The following NECTIN3 variants were observed in gnomAD, a reference collection of about 807,000 sequenced individuals.
NECTIN3 encodes nectin-3.
A neutral mutation model predicts 49.4 loss-of-function variants in NECTIN3; 8 were observed. The ratio of observed to expected loss-of-function variants is 0.16; its 90% CI spans 0.10 to 0.29. NECTIN3 has a LOEUF of 0.29. Among genes scored for constraint, NECTIN3 ranks in the 10% least tolerant of loss-of-function variants. The pLI is 1.00. For synonymous variants in NECTIN3, 277 were observed against 241.1 expected, an observed-to-expected ratio of 1.15 and a Z score of -1.38; for missense variants, 581 against 654.6, an observed-to-expected ratio of 0.89 and a Z score of 1.23.
intron 5 of NECTIN3, among the ~76,000 whole-genome samples, chr3:111,143,426 TA>T (rs1200957689): frequency 6.6e-6 from 1 of 151,924 alleles, no homozygotes; most frequent in Non-Finnish European, 1.5e-5. Context: ...GAGCCATTAA[TA>T]AACTTAGGAT....
At chr3:111,148,242 T>A (rs1223620249) in intron 7 of NECTIN3, among the ~76,000 whole-genome samples, 1 of 152,244 alleles carries the variant, frequency 6.6e-6, no homozygotes, top group East Asian at 1.9e-4. Flanking sequence ...ATTCATTGAT[T>A]TAATTTGGTG....
At chr3:111,109,504 C>G (rs990124324) in intron 1 of NECTIN3, among the ~76,000 whole-genome samples, 1 of 151,858 alleles carries the variant, frequency 6.6e-6, no homozygotes, top group African/African-American at 2.4e-5. Flanking sequence ...GGTCTTCAGT[C>G]CATCTAGGGT....
At position 111,071,901 on chromosome 3, in the gene NECTIN3, G is replaced by A. The variant is rs2030756197; in HGVS notation, c.-117G>A. The A allele has an allele frequency of 1.6e-6, 1 of 635,956 alleles. No individual in the cohort carries two copies. Among genetic ancestry groups the A allele is most frequent in the Non-Finnish European group, 2.3e-6 (1 of 432,286 alleles). 39.4% of individuals were successfully genotyped at this position (635,956 alleles called of 1,614,324 possible). On this transcript the variant is annotated 5_prime_UTR_variant, in exon 1 of 6. Coordinates refer to ENST00000485303, the MANE Select transcript of NECTIN3 (RefSeq NM_015480.3). Reference sequence around the variant, plus strand: ...GTCAGCCGGCAGCGACGGCGCTAGAGCTGGGAGCTGGGGACGCGCGCGCCG... The same window carrying A: ...GTCAGCCGGCAGCGACGGCGCTAGAACTGGGAGCTGGGGACGCGCGCGCCG...
intron 1 of NECTIN3, among the ~76,000 whole-genome samples, chr3:111,192,756 C>A (rs2035835705): frequency 6.6e-6 from 1 of 152,088 alleles, no homozygotes; most frequent in Admixed American, 6.5e-5. Flanking sequence ...GTTCAAATGC[C>A]AGTTCATTTT....
Position 111,136,918 on chromosome 3 carries a change from A to G in NECTIN3, c.*2703A>G. On this transcript the variant is annotated 3_prime_UTR_variant, in exon 6 of 6. Coordinates refer to ENST00000485303, the MANE Select transcript of NECTIN3 (RefSeq NM_015480.3). ...AAGTGATATTTGAGAAGTGCTTTAG[A>G]GTTGAAAGATTTAGTATTTTACCAC... 1 of 967,326 alleles carries G rather than the reference A, an allele frequency of 1.0e-6. No individual in the cohort carries two copies. The highest frequency in any genetic ancestry group is 1.2e-6 in the Non-Finnish European group (1 of 813,634). The allele number at this position is 967,326 out of a possible 1,614,324, so 59.9% of individuals were successfully genotyped here. A position where few individuals can be genotyped will look rare whatever the true frequency, so the allele number is the denominator to read the frequency against.
chr3:111,152,614 TG>T (rs1236224983), intron 7 of NECTIN3, among the ~76,000 whole-genome samples: 1 of 151,996 alleles, frequency 6.6e-6, no homozygotes, highest in African/African-American at 2.4e-5. Context: ...TATTTTGTTT[TG>T]ATTCCAGCAT....
intron 1 of NECTIN3, among the ~76,000 whole-genome samples, chr3:111,093,174 C>T (rs2032373788): frequency 6.6e-6 from 1 of 152,116 alleles, no homozygotes. Flanking sequence ...TTTATTAGTT[C>T]TAACAGCCTC....
intron 7 of NECTIN3, among the ~76,000 whole-genome samples, chr3:111,163,768 T>C (rs1289998891): frequency 6.6e-6 from 1 of 152,166 alleles, no homozygotes; most frequent in Non-Finnish European, 1.5e-5. Context: ...AATACATTAA[T>C]ATTTTTATGT....
At chr3:111,079,827 TTA>T (rs568676106) in intron 1 of NECTIN3, among the ~76,000 whole-genome samples, 116 of 152,154 alleles carry the variant, frequency 7.6e-4, no homozygotes, top group Non-Finnish European at 1.4e-3. Context: ...TAATGTCAAC[TTA>T]TATAGTAGCT....
chr3:111,149,881 T>G (rs930656816), intron 7 of NECTIN3, among the ~76,000 whole-genome samples: 4 of 151,994 alleles, frequency 2.6e-5, no homozygotes, highest in South Asian at 2.1e-4. Context: ...GTATAGAATT[T>G]CCTTGCATTA....
intron 7 of NECTIN3, among the ~76,000 whole-genome samples, chr3:111,162,189 T>C (rs755585377): frequency 2.0e-5 from 3 of 152,060 alleles, no homozygotes; most frequent in Non-Finnish European, 4.4e-5. Flanking sequence ...ACCTTGAAAA[T>C]TAAACACTGC....
At chr3:111,162,583 A>G (rs1200330944) in intron 7 of NECTIN3, among the ~76,000 whole-genome samples, 1 of 152,230 alleles carries the variant, frequency 6.6e-6, no homozygotes, top group African/African-American at 2.4e-5. Flanking sequence ...CCTTTATAGC[A>G]GTGTGAGAAT....
chr3:111,189,897 C>CAGAT (rs1163807053), upstream of NECTIN3, among the ~76,000 whole-genome samples: 3 of 152,152 alleles, frequency 2.0e-5, no homozygotes, highest in Non-Finnish European at 4.4e-5. Flanking sequence ...AATGCCCAGG[C>CAGAT]ATCTGCCTGG....
chr3:111,135,077 G>C lies in NECTIN3; in HGVS notation c.*862G>C, dbSNP rs1165997460. The C allele has an allele frequency of 1.1e-6, 1 of 918,270 alleles. No individual in the cohort carries two copies. Among genetic ancestry groups the C allele is most frequent in the African/African-American group, 1.9e-5 (1 of 52,092 alleles). The allele number at this position is 918,270 out of a possible 1,614,324, so 56.9% of individuals were successfully genotyped here. On this transcript the variant is annotated 3_prime_UTR_variant, in exon 6 of 6. Coordinates refer to ENST00000485303, the MANE Select transcript of NECTIN3 (RefSeq NM_015480.3). ...ATACTAATAGAAATGAAAAGACGCA[G>C]AGAGAGCATTTCGGAATACTGAAGT...
At chr3:111,128,588 C>T (rs2034262754) in intron 5 of NECTIN3, among the ~76,000 whole-genome samples, 1 of 152,106 alleles carries the variant, frequency 6.6e-6, no homozygotes, top group African/African-American at 2.4e-5. Flanking sequence ...TTTCTGTACT[C>T]ATCTTCCTTC....
Position 111,136,328 on chromosome 3 carries a change from T to A in NECTIN3, c.*2113T>A, listed in dbSNP as rs2034573968. The stretch of plus-strand genomic sequence containing the variant: ...TACTGATTATGAACTTCCTTTTACA[T>A]TGTGGTTATTTGTGCGATTAGGTTT... On this transcript the variant is annotated 3_prime_UTR_variant, in exon 6 of 6. Transcript: ENST00000485303. 3 of 984,176 alleles carry A rather than the reference T, an allele frequency of 3.0e-6. No homozygotes were observed. Among genetic ancestry groups the A allele is most frequent in the Non-Finnish European group, 3.6e-6 (3 of 828,950 alleles). 61.0% of individuals were successfully genotyped at this position (984,176 alleles called of 1,614,324 possible).
At chr3:111,162,694 C>G (rs2035238213) in intron 7 of NECTIN3, among the ~76,000 whole-genome samples, 1 of 152,142 alleles carries the variant, frequency 6.6e-6, no homozygotes, top group Non-Finnish European at 1.5e-5. Context: ...TGTTGTTAAA[C>G]TTTCCCCTAC....
chr3:111,165,265 G>A (rs183680713), intron 7 of NECTIN3, among the ~76,000 whole-genome samples: 105 of 152,060 alleles, frequency 6.9e-4, no homozygotes, highest in African/African-American at 2.5e-3. Flanking sequence ...GGATGGTCTC[G>A]ATCTCCTGAC....
At chr3:111,088,561 T>C (rs1273097342) in intron 1 of NECTIN3, among the ~76,000 whole-genome samples, 1 of 152,090 alleles carries the variant, frequency 6.6e-6, no homozygotes, top group Non-Finnish European at 1.5e-5. Flanking sequence ...TTTTCCCCCA[T>C]TTTTTTAATA....
Sources: allele counts gnomAD v4.1 joint callset (sites outside exome capture counted in the v4.1 genomes callset), GRCh38; gene constraint gnomAD v4.1.1; transcripts MANE v1.5; gene names NCBI Gene and HGNC (gene_info 2026-07-23, HGNC 2026-07-21).